Variants in RALGAPA2 observed in about 807,000 individuals in gnomAD.
The protein encoded by RALGAPA2 is ral GTPase-activating protein subunit alpha-2.
Under a neutral mutation model 230.4 loss-of-function variants are expected in RALGAPA2, and 139 were observed. The observed-to-expected ratio is 0.60, with a 90% CI of 0.53 to 0.69. The LOEUF is 0.69. Among genes scored for constraint, RALGAPA2 ranks in the 30% least tolerant of loss-of-function variants. RALGAPA2 has a pLI of 0.00. For missense variants in RALGAPA2, 2,163 were observed against 2,276.0 expected (o/e 0.95, Z 1.01); for synonymous variants, 847 against 837.8 (o/e 1.01, Z -0.19).
At chr20:20,395,235 G>C in intron 39 of RALGAPA2, among the ~76,000 whole-genome samples, 1 of 152,252 alleles carries the variant, frequency 6.6e-6, no homozygotes, top group East Asian at 1.9e-4. Flanking sequence ...GCCCTACACA[G>C]GCCTCTGGTC....
At chr20:20,588,786 G>A (rs558465831) in intron 18 of RALGAPA2, among the ~76,000 whole-genome samples, 30 of 152,192 alleles carry the variant, frequency 2.0e-4, no homozygotes, top group African/African-American at 6.7e-4. Flanking sequence ...GGGGTTATCT[G>A]CATGAATGAG....
chr20:20,465,204 C>T (rs1179157179), intron 37 of RALGAPA2, among the ~76,000 whole-genome samples: 2 of 151,542 alleles, frequency 1.3e-5, no homozygotes, highest in African/African-American at 4.9e-5. Context: ...CACACTCTCT[C>T]ATACTAGGGG....
intron 4 of RALGAPA2, among the ~76,000 whole-genome samples, chr20:20,646,094 G>C (rs1251434090): frequency 6.6e-6 from 1 of 151,392 alleles, no homozygotes; most frequent in Non-Finnish European, 1.5e-5. Flanking sequence ...TCACTCTGTA[G>C]CCTAAACTGG....
At chr20:20,524,924 A>G in intron 28 of RALGAPA2, 26 bp from the exon 29 acceptor site, 1 of 1,577,648 alleles carries the variant, frequency 6.3e-7, no homozygotes, top group Non-Finnish European at 8.6e-7. Flanking sequence ...ATCCCCAATC[A>G]AACAGACCAT....
intron 31 of RALGAPA2, among the ~76,000 whole-genome samples, chr20:20,518,443 A>G (rs1382103344): frequency 6.6e-6 from 1 of 152,222 alleles, no homozygotes; most frequent in African/African-American, 2.4e-5. Flanking sequence ...TTTCTTGCTT[A>G]ACCTAAAATA....
intron 37 of RALGAPA2, among the ~76,000 whole-genome samples, chr20:20,428,160 T>A (rs2060425807): frequency 1.3e-5 from 2 of 152,240 alleles, no homozygotes; most frequent in Non-Finnish European, 2.9e-5. Flanking sequence ...ATATTTTATA[T>A]GCAAAATTCC....
At chr20:20,469,639 G>A (rs527978650) in intron 37 of RALGAPA2, among the ~76,000 whole-genome samples, 7 of 152,226 alleles carry the variant, frequency 4.6e-5, no homozygotes, top group South Asian at 2.1e-4. Context: ...TCCTCCTAAC[G>A]GGCACACTGC....
chr20:20,447,823 C>T (rs1208729186), intron 37 of RALGAPA2, among the ~76,000 whole-genome samples: 1 of 152,170 alleles, frequency 6.6e-6, no homozygotes, highest in South Asian at 2.1e-4. Flanking sequence ...TGAGCCACAT[C>T]GACAGTATCT....
chr20:20,427,999 AAG>A lies in RALGAPA2; in HGVS notation c.5496-15853_5496-15852del, dbSNP rs540314873. On this transcript the variant is annotated intron_variant, in intron 37 of 39. Transcript: ENST00000202677. Reference sequence around the variant, plus strand: ...AGGTTAAAAAGTCTGCTGCAGTCAGAAGAGAGATCAGAATTAGAAATTCTCTC... The same window carrying A: ...AGGTTAAAAAGTCTGCTGCAGTCAGAAGAGATCAGAATTAGAAATTCTCTC... Among the ~76,000 whole-genome samples, 272 of 152,348 alleles carry A rather than the reference AAG, an allele frequency of 1.8e-3. 1 individual carries two copies. Among genetic ancestry groups the A allele is most frequent in the African/African-American group, 6.3e-3 (261 of 41,574 alleles).
intron 23 of RALGAPA2, among the ~76,000 whole-genome samples, chr20:20,552,684 C>A (rs1050160144): frequency 6.6e-6 from 1 of 152,144 alleles, no homozygotes; most frequent in African/African-American, 2.4e-5. Context: ...CAGCCACGAT[C>A]CTGCAGTACT....
intron 1 of RALGAPA2, among the ~76,000 whole-genome samples, chr20:20,706,099 T>C (rs149181373): frequency 2.6e-5 from 4 of 152,272 alleles, no homozygotes; most frequent in African/African-American, 9.6e-5. Context: ...AAAATAAAAA[T>C]CCAAATTATA....
intron 36 of RALGAPA2, among the ~76,000 whole-genome samples, chr20:20,482,429 G>A (rs2061800125): frequency 6.6e-6 from 1 of 152,192 alleles, no homozygotes. Context: ...CATGTAGGAA[G>A]TGGTCATGAC....
chr20:20,517,122 T>G (rs147929020), intron 31 of RALGAPA2, among the ~76,000 whole-genome samples: 9 of 152,256 alleles, frequency 5.9e-5, no homozygotes, highest in African/African-American at 9.6e-5. Flanking sequence ...ATAGCCCTCC[T>G]GGAACAATTC....
intron 1 of RALGAPA2, 136 bp from the exon 2 acceptor site, chr20:20,680,937 C>A: frequency 1.4e-6 from 2 of 1,390,504 alleles, no homozygotes; most frequent in South Asian, 1.5e-5. Context: ...AAACAGTATT[C>A]CTGTTTGTTT....
chr20:20,640,856 A>G lies in RALGAPA2; in HGVS notation c.395T>C (p.Leu132Pro). The G allele has an allele frequency of 6.2e-7, 1 of 1,613,142 alleles. No individual in the cohort carries two copies. Among genetic ancestry groups the G allele is most frequent in the Non-Finnish European group, 8.5e-7 (1 of 1,179,298 alleles). ...AAGTGCTTGAAGCCACAGAAGAAAC[A>G]GCCTGATTCCTTCACATCTTATCTA... The part of the protein sequence containing the change: ...SIKIRCEGIR[L>P]FLLWLQALQT... The change falls in exon 6 of 40, where the codon CTG becomes CCG. Residue 132 changes from leucine to proline, a missense_variant. Coordinates refer to ENST00000202677, the MANE Select transcript of RALGAPA2 (RefSeq NM_020343.4).
intron 27 of RALGAPA2, among the ~76,000 whole-genome samples, chr20:20,529,655 T>A (rs1382192663): frequency 6.6e-6 from 1 of 152,190 alleles, no homozygotes; most frequent in Non-Finnish European, 1.5e-5. Context: ...TCCTACAGTA[T>A]TTAGTACAGT....
At chr20:20,420,015 C>T (rs1190680983) in intron 37 of RALGAPA2, among the ~76,000 whole-genome samples, 1 of 152,014 alleles carries the variant, frequency 6.6e-6, no homozygotes, top group East Asian at 1.9e-4. Context: ...TATGTCAGTA[C>T]CAGGAAGGAA....
intron 39 of RALGAPA2, 125 bp downstream of exon 39, chr20:20,396,570 G>A: frequency 2.4e-6 from 2 of 849,470 alleles, no homozygotes; most frequent in Non-Finnish European, 3.5e-6. Flanking sequence ...CCCCGGGGAG[G>A]GGAAGGCCCA....
intron 24 of RALGAPA2, among the ~76,000 whole-genome samples, chr20:20,537,619 C>CAAAA (rs373034061): frequency 4.9e-5 from 2 of 41,070 alleles, no homozygotes; most frequent in East Asian, 1.3e-3. Flanking sequence ...GACTCCATCT[C>CAAAA]AAAAAAAAAA....
Sources: gnomAD v4.1 joint callset for allele counts (sites outside exome capture counted in the v4.1 genomes callset) on GRCh38, gnomAD v4.1.1 for gene constraint, MANE v1.5 for transcripts, NCBI Gene and HGNC (gene_info 2026-07-23, HGNC 2026-07-21) for gene names.